F2: variants seen among roughly 807,000 people sequenced by gnomAD.
F2 encodes the protein prothrombin.
Under a neutral mutation model 81.9 loss-of-function variants are expected in F2, and 34 were observed. The observed-to-expected ratio is 0.42, with a 90% CI of 0.32 to 0.55. F2 has a LOEUF of 0.55. Among genes scored for constraint, F2 ranks in the 20% least tolerant of loss-of-function variants. F2 has a pLI of 0.18. For missense variants in F2, 630 were observed against 833.4 expected, an observed-to-expected ratio of 0.76 and a Z score of 3.00; for synonymous variants, 296 against 326.4, an observed-to-expected ratio of 0.91 and a Z score of 1.01.
At chr11:46,727,125 G>A (rs1056346585) in intron 9 of F2, among the ~76,000 whole-genome samples, 1 of 152,142 alleles carries the variant, frequency 6.6e-6, no homozygotes, top group Non-Finnish European at 1.5e-5. Context: ...GGGTTCAAAC[G>A]ATTCTCTTGC....
chr11:46,735,467 T>C (rs537451538), intron 12 of F2, among the ~76,000 whole-genome samples: 22 of 151,156 alleles, frequency 1.5e-4, no homozygotes, highest in South Asian at 1.3e-3. Context: ...GAAAATATTT[T>C]AAAAATTAGC....
chr11:46,720,661 C>G lies in F2; in HGVS notation c.265+114C>G, dbSNP rs542676702. ...GCCATCCACCCATCCACCCCTTCCCCACTCCTTCCTTGGTCCCTCCCATCT... is the reference window on the plus strand; with the variant it reads ...GCCATCCACCCATCCACCCCTTCCCGACTCCTTCCTTGGTCCCTCCCATCT... On this transcript the variant is annotated intron_variant, in intron 3 of 13. Transcript: ENST00000311907. The G allele has an allele frequency of 1.3e-3, 1,912 of 1,499,092 alleles. 3 individuals carry two copies. The highest frequency in any genetic ancestry group is 1.7e-3 in the Non-Finnish European group (1,849 of 1,075,702). 92.9% of individuals were successfully genotyped at this position (1,499,092 alleles called of 1,614,324 possible).
intron 12 of F2, among the ~76,000 whole-genome samples, chr11:46,731,573 GAAAA>G (rs35768741): frequency 7.6e-6 from 1 of 131,660 alleles, no homozygotes. Context: ...CTTTTATAGG[GAAAA>G]AAAAAAAAAA....
At position 46,726,253 on chromosome 11, in the gene F2, C is replaced by A; in HGVS notation, c.874+80C>A. The A allele has an allele frequency of 1.9e-6, 3 of 1,567,018 alleles. No individual in the cohort carries two copies. Among genetic ancestry groups the A allele is most frequent in the East Asian group, 2.3e-5 (1 of 44,374 alleles). ...ACAACAGCCGCTTCTGCTTATCGAA[C>A]GCTTACCTCATTGAGTGCGCTCATT... On this transcript the variant is annotated intron_variant, in intron 7 of 13. Transcript: ENST00000311907. The surrounding 1 kb of genome is among the most constrained non-coding windows in gnomAD (Gnocchi z 5.9).
chr11:46,726,450 GT>G lies in F2; in HGVS notation c.875-47del. 1 of 1,596,530 alleles carries G rather than the reference GT, an allele frequency of 6.3e-7. No homozygotes were observed. The highest frequency in any genetic ancestry group is 1.1e-5 in the South Asian group (1 of 88,734). On this transcript the variant is annotated intron_variant, in intron 7 of 13. Coordinates refer to ENST00000311907, the MANE Select transcript of F2 (RefSeq NM_000506.5). This position sits in a 1 kb window ranked among gnomAD's most constrained non-coding sequence, Gnocchi z 5.9. ...GGAATTGGGGGGATCTAGGGGATGG[GT>G]GAGGAATGGCCCAGCCCAGTCCCAG...
rs1565704872 is a variant in F2 at position 46,728,119 on chromosome 11, C to CGAGAAT, written c.1257_1262dup (p.Glu419_Asn420dup). ...ACCCGCCCTGGGACAAGAACTTCACCGAGAATGACCTTCTGGTGCGCATTG... is the reference window on the plus strand; with the variant it reads ...ACCCGCCCTGGGACAAGAACTTCACCGAGAATGAGAATGACCTTCTGGTGCGCATTG... On this transcript the variant is annotated inframe_insertion, in exon 10 of 14. Coordinates refer to ENST00000311907, the MANE Select transcript of F2 (RefSeq NM_000506.5). The surrounding 1 kb of genome is among the most constrained non-coding windows in gnomAD (Gnocchi z 5.1). 3 of 1,610,960 alleles carry CGAGAAT rather than the reference C, an allele frequency of 1.9e-6. No individual in the cohort carries two copies. The Admixed American group carries it at 5.0e-5, about 27-fold the overall frequency.
Position 46,728,850 on chromosome 11 carries a change from A to G in F2, c.1472+13A>G. 1 of 1,612,802 alleles carries G rather than the reference A, an allele frequency of 6.2e-7. No homozygotes were observed. Among genetic ancestry groups the G allele is most frequent in the Non-Finnish European group, 8.5e-7 (1 of 1,179,580 alleles). ...AGACGGCAGCCAGGTGGGCCACCAGATGCTTGTTAGCTGAGGGGCAGAAGC... is the reference window on the plus strand; with the variant it reads ...AGACGGCAGCCAGGTGGGCCACCAGGTGCTTGTTAGCTGAGGGGCAGAAGC... On this transcript the variant is annotated intron_variant, in intron 11 of 13. Transcript: ENST00000311907. This position sits in a 1 kb window ranked among gnomAD's most constrained non-coding sequence, Gnocchi z 5.1.
chr11:46,726,887 T>C lies in F2; in HGVS notation c.1130+50T>C, dbSNP rs1188086801. ...CATTCACTCCTGGGGGCAGGTGTGC[T>C]GCTGGACCCCCACCCTCAGGCCCTG... On this transcript the variant is annotated intron_variant, in intron 9 of 13. Coordinates refer to ENST00000311907, the MANE Select transcript of F2 (RefSeq NM_000506.5). The surrounding 1 kb of genome is among the most constrained non-coding windows in gnomAD (Gnocchi z 5.9). 6.2e-7 allele frequency: 1 copy of C among 1,609,794 alleles called. No individual in the cohort carries two copies.
At chr11:46,730,925 G>A (rs974250587) in intron 12 of F2, among the ~76,000 whole-genome samples, 10 of 150,762 alleles carry the variant, frequency 6.6e-5, no homozygotes, top group Non-Finnish European at 1.5e-4. Context: ...ATTAAAACCC[G>A]GAAATTTTTT....
At position 46,728,625 on chromosome 11, in the gene F2, AC is replaced by A; in HGVS notation, c.1299-37del. ...CAGTTTCCTGCTCCTTGCTGGGTGA[AC>A]CTGCAGCTTCTCCATTTCTTTCTTG... On this transcript the variant is annotated intron_variant, in intron 10 of 13. Coordinates refer to ENST00000311907, the MANE Select transcript of F2 (RefSeq NM_000506.5). This position sits in a 1 kb window ranked among gnomAD's most constrained non-coding sequence, Gnocchi z 5.1. 6.2e-7 allele frequency: 1 copy of A among 1,612,422 alleles called. No homozygotes were observed. The highest frequency in any genetic ancestry group is 8.5e-7 in the Non-Finnish European group (1 of 1,178,852).
Position 46,723,572 on chromosome 11 carries a change from G to A in F2, c.559+54G>A. On this transcript the variant is annotated intron_variant, in intron 6 of 13. Coordinates refer to ENST00000311907, the MANE Select transcript of F2 (RefSeq NM_000506.5). The surrounding 1 kb of genome is among the most constrained non-coding windows in gnomAD (Gnocchi z 5.6). ...GGCCAAGGCCCGGGGGCTTCATGGG[G>A]CCTGGCAGCCTGGGATGGGAACCAA... 1 of 1,557,394 alleles carries A rather than the reference G, an allele frequency of 6.4e-7. No individual in the cohort carries two copies. The highest frequency in any genetic ancestry group is 1.2e-5 in the South Asian group (1 of 86,284).
In F2 at chr11:46,723,523, G is replaced by A. The variant is rs376151472; in HGVS notation, c.559+5G>A. 2.5e-4 allele frequency: 409 copies of A among 1,609,594 alleles called. No homozygotes were observed. Among genetic ancestry groups the A allele is most frequent in the Non-Finnish European group, 3.2e-4 (382 of 1,177,836 alleles). On this transcript the variant is annotated splice_donor_5th_base_variant and intron_variant, in intron 6 of 13. Transcript: ENST00000311907. The surrounding 1 kb of genome is among the most constrained non-coding windows in gnomAD (Gnocchi z 5.6). The stretch of plus-strand genomic sequence containing the variant: ...AATGCAGCATCCCTGTCTGTGGTAA[G>A]CTGGGGGCAGTGGGGCGGCCCATGG...
Position 46,729,544 on chromosome 11 carries a change from A to G in F2, c.1637A>G (p.Asp546Gly). 6.2e-7 allele frequency: 1 copy of G among 1,613,646 alleles called. No individual in the cohort carries two copies. The highest frequency in any genetic ancestry group is 1.1e-5 in the South Asian group (1 of 91,084). Residue 546 changes from aspartate to glycine, a missense_variant, in exon 12 of 14, where the codon GAC becomes GGC. Physicochemically the swap from Asp to Gly is moderately conservative, Grantham distance 94 (BLOSUM62 -1). Transcript: ENST00000311907. Reference sequence around the variant, plus strand: ...GACTCCACCCGGATCCGCATCACTGACAACATGTTCTGTGCTGGCAAGTCT... The same window carrying G: ...GACTCCACCCGGATCCGCATCACTGGCAACATGTTCTGTGCTGGCAAGTCT... ...CKDSTRIRIT[D>G]NMFCAGYKPD... is the part of the protein sequence containing the mutation.
Position 46,720,504 on chromosome 11 carries a change from C to T in F2, c.241-19C>T. On this transcript the variant is annotated intron_variant, in intron 2 of 13. Transcript: ENST00000311907. ...AAACAGGAGCTGCCGTAGCCTCACT[C>T]CCAGCCCTTGTTTTTCAGGATGTGT... 6.2e-7 allele frequency: 1 copy of T among 1,614,142 alleles called. No homozygotes were observed. Among genetic ancestry groups the T allele is most frequent in the Non-Finnish European group, 8.5e-7 (1 of 1,179,994 alleles).
At chr11:46,724,973 T>C (rs2064862313) in intron 6 of F2, among the ~76,000 whole-genome samples, 1 of 151,690 alleles carries the variant, frequency 6.6e-6, no homozygotes, top group African/African-American at 2.4e-5. Flanking sequence ...GGTTTCACCA[T>C]GTTGGCCAGG....
Position 46,726,952 on chromosome 11 carries a change from T to C in F2, c.1130+115T>C. On this transcript the variant is annotated intron_variant, in intron 9 of 13. Coordinates refer to ENST00000311907, the MANE Select transcript of F2 (RefSeq NM_000506.5). The surrounding 1 kb of genome is among the most constrained non-coding windows in gnomAD (Gnocchi z 5.9). ...CTTTACAGATGACAACAGCTGAGCA[T>C]CCAGGATCCCACCAACTCCACACAG... The C allele has an allele frequency of 6.6e-7, 1 of 1,523,392 alleles. No homozygotes were observed. Among genetic ancestry groups the C allele is most frequent in the Non-Finnish European group, 9.0e-7 (1 of 1,113,768 alleles). The allele number at this position is 1,523,392 out of a possible 1,614,324, so 94.4% of individuals were successfully genotyped here.
rs2064886087 is a variant in F2, at chr11:46,727,983, C to T, written c.1131-13C>T. Reference sequence around the variant, plus strand: ...CATCCTCAGCTCCTAATGCTTCCTGCTGCCCCTCCCAGGCAGGTGATGCTT... The same window carrying T: ...CATCCTCAGCTCCTAATGCTTCCTGTTGCCCCTCCCAGGCAGGTGATGCTT... On this transcript the variant is annotated splice_polypyrimidine_tract_variant and intron_variant, in intron 9 of 13. Coordinates refer to ENST00000311907, the MANE Select transcript of F2 (RefSeq NM_000506.5). 6.2e-7 allele frequency: 1 copy of T among 1,603,892 alleles called. No individual in the cohort carries two copies. Among genetic ancestry groups the T allele is most frequent in the African/African-American group, 1.3e-5 (1 of 74,866 alleles).
At chr11:46,720,901 A>C in intron 4 of F2, 61 bp downstream of exon 4, 76 of 1,593,248 alleles carry the variant, frequency 4.8e-5, no homozygotes, top group African/African-American at 9.4e-5. Context: ...AGAAGAGCTC[A>C]GGGGTGGGTT....
intron 12 of F2, among the ~76,000 whole-genome samples, chr11:46,738,146 G>A (rs182909649): frequency 1.4e-4 from 22 of 152,016 alleles, no homozygotes; most frequent in African/African-American, 4.8e-4. Context: ...GATTATAGGC[G>A]CACACCAACA....
Sources: gnomAD v4.1 joint callset for allele counts (sites outside exome capture counted in the v4.1 genomes callset) on GRCh38, gnomAD v4.1.1 for gene constraint, Gnocchi (gnomAD v3.1) non-coding constraint, MANE v1.5 for transcripts, NCBI Gene and HGNC (gene_info 2026-07-23, HGNC 2026-07-21) for gene names.